The following GRID1 variants were observed in gnomAD, a reference collection of about 807,000 sequenced individuals.
GRID1 encodes the protein glutamate ionotropic receptor delta type subunit 1.
GRID1 carries 28 observed loss-of-function variants against 98.0 expected under a neutral mutation model. The observed-to-expected ratio is 0.29, with a 90% CI of 0.21 to 0.39. The LOEUF is 0.39. Among genes scored for constraint, GRID1 ranks in the 10% least tolerant of loss-of-function variants. The pLI is 1.00. For synonymous variants in GRID1, 553 were observed against 538.5 expected (o/e 1.03, Z -0.37); for missense variants, 1,111 against 1,340.5 (o/e 0.83, Z 2.67).
chr10:85,740,946 G>A (rs1043478023), intron 8 of GRID1, among the ~76,000 whole-genome samples: 13 of 151,830 alleles, frequency 8.6e-5, no homozygotes, highest in Admixed American at 1.3e-4. Flanking sequence ...TAGTGACTGC[G>A]TTTCACCATG....
chr10:85,743,113 C>CCG (rs1554828635), intron 8 of GRID1, among the ~76,000 whole-genome samples: 4 of 134,302 alleles, frequency 3.0e-5, no homozygotes, highest in Non-Finnish European at 5.0e-5. Flanking sequence ...CAGCCCCCCC[C>CCG]CCCACCACCC....
chr10:85,919,222 T>C (rs1841665550), intron 4 of GRID1, among the ~76,000 whole-genome samples: 1 of 152,180 alleles, frequency 6.6e-6, no homozygotes, highest in Non-Finnish European at 1.5e-5. Flanking sequence ...GTGGGAGCCT[T>C]GGCCACCCTA....
chr10:86,224,970 C>G (rs956569266), intron 2 of GRID1, among the ~76,000 whole-genome samples: 5 of 152,244 alleles, frequency 3.3e-5, no homozygotes, highest in African/African-American at 1.2e-4. Flanking sequence ...GTTGAGGCCA[C>G]TTCAGGGTCC....
chr10:85,938,603 C>T (rs1452963785), intron 4 of GRID1, among the ~76,000 whole-genome samples: 9 of 152,040 alleles, frequency 5.9e-5, no homozygotes, highest in Non-Finnish European at 7.4e-5. Flanking sequence ...ACGATACAAA[C>T]GAGCCAGGAT....
intron 4 of GRID1, among the ~76,000 whole-genome samples, chr10:86,095,131 G>T (rs1415178341): frequency 6.6e-6 from 1 of 152,132 alleles, no homozygotes; most frequent in Non-Finnish European, 1.5e-5. Flanking sequence ...AACAATTGGT[G>T]CTGGGATAAT....
chr10:86,258,830 A>G (rs1846965629), intron 2 of GRID1, among the ~76,000 whole-genome samples: 1 of 152,252 alleles, frequency 6.6e-6, no homozygotes, highest in Non-Finnish European at 1.5e-5. Flanking sequence ...GATGACACAT[A>G]CAAGAGAAAA....
In GRID1 at chr10:86,237,901, G is replaced by A. The variant is rs527346335; in HGVS notation, c.236-31253C>T. 1.4e-4 allele frequency among the ~76,000 whole-genome samples: 22 copies of A among 152,206 alleles called. No homozygotes were observed. The South Asian group carries it at 3.9e-3, about 27-fold the overall frequency. ...ACCCAGTCTCAGGGAGTTCTTTAAA[G>A]CAATTTGAGAACCGACGAATACAGC... On this transcript the variant is annotated intron_variant, in intron 2 of 15. Transcript: ENST00000327946.
chr10:85,804,711 A>G (rs1381324879), intron 8 of GRID1, among the ~76,000 whole-genome samples: 1 of 151,902 alleles, frequency 6.6e-6, no homozygotes, highest in Non-Finnish European at 1.5e-5. Flanking sequence ...ACTCCTCATT[A>G]ACAGAATAAG....
chr10:86,084,963 T>C (rs1178603601), intron 4 of GRID1, among the ~76,000 whole-genome samples: 2 of 152,216 alleles, frequency 1.3e-5, no homozygotes, highest in Non-Finnish European at 1.5e-5. Flanking sequence ...GTGGTGATGG[T>C]TGCACAACAC....
At chr10:86,129,046 C>T (rs1200696274) in intron 4 of GRID1, among the ~76,000 whole-genome samples, 2 of 152,216 alleles carry the variant, frequency 1.3e-5, no homozygotes, top group Admixed American at 1.3e-4. Flanking sequence ...CTCTGCCCTT[C>T]CCTGCCCTGT....
At position 85,831,306 on chromosome 10, in the gene GRID1, G is replaced by C. The variant is rs536338829; in HGVS notation, c.1233+23190C>G. Among the ~76,000 whole-genome samples the C allele has an allele frequency of 2.6e-5, 4 of 152,146 alleles. 1 individual carries two copies. Among genetic ancestry groups the C allele is most frequent in the African/African-American group, 9.6e-5 (4 of 41,540 alleles). ...ACATGAGGGTGGAGGGTGGGAGGGA[G>C]AGGATTGAAAAGCTACCTATCAGGT... is the stretch of plus-strand genomic sequence containing the variant. On this transcript the variant is annotated intron_variant, in intron 8 of 15. Coordinates refer to ENST00000327946, the MANE Select transcript of GRID1 (RefSeq NM_017551.3).
At chr10:86,363,512 C>G (rs988537130) in intron 2 of GRID1, among the ~76,000 whole-genome samples, 5 of 152,226 alleles carry the variant, frequency 3.3e-5, no homozygotes, top group African/African-American at 1.2e-4. Context: ...GCTGGGCGCT[C>G]CTCACCTCGA....
At chr10:85,864,319 A>C (rs1843194223) in intron 6 of GRID1, among the ~76,000 whole-genome samples, 1 of 152,238 alleles carries the variant, frequency 6.6e-6, no homozygotes, top group African/African-American at 2.4e-5. Flanking sequence ...AGGAGGAAGC[A>C]GATGGTAAGA....
intron 2 of GRID1, among the ~76,000 whole-genome samples, chr10:86,321,003 G>C (rs1012235966): frequency 4.6e-5 from 7 of 151,850 alleles, no homozygotes; most frequent in African/African-American, 1.7e-4. Flanking sequence ...GGGAGGCTGA[G>C]GCAGGAGAAT....
chr10:85,730,422 C>T (rs566137309), intron 8 of GRID1, among the ~76,000 whole-genome samples: 14 of 152,218 alleles, frequency 9.2e-5, no homozygotes, highest in Non-Finnish European at 1.9e-4. Context: ...ATGGGGAAGA[C>T]ATAACAAAAT....
chr10:85,834,947 A>G (rs1379875042), intron 8 of GRID1, among the ~76,000 whole-genome samples: 1 of 152,228 alleles, frequency 6.6e-6, no homozygotes, highest in Non-Finnish European at 1.5e-5. Flanking sequence ...TGTTTGCAAA[A>G]AAAAAGTTAC....
chr10:85,876,510 A>C (rs1843333446), intron 5 of GRID1, among the ~76,000 whole-genome samples: 1 of 152,204 alleles, frequency 6.6e-6, no homozygotes, highest in African/African-American at 2.4e-5. Context: ...CATATCTGCA[A>C]AATGTCCTTT....
At chr10:86,255,830 C>A (rs150673304) in intron 2 of GRID1, among the ~76,000 whole-genome samples, 1 of 152,104 alleles carries the variant, frequency 6.6e-6, no homozygotes, top group Non-Finnish European at 1.5e-5. Context: ...CCAGGGGCCT[C>A]GCCTGGGCTG....
rs532859984 is a variant in GRID1 at position 85,724,705 on chromosome 10, G to A, written c.1534-29C>T. On this transcript the variant is annotated intron_variant, in intron 10 of 15. Coordinates refer to ENST00000327946, the MANE Select transcript of GRID1 (RefSeq NM_017551.3). ...AAAGGCAAAGCCATCTCATTTAGAC[G>A]GCAGTCCTCAGCTTACTGCTGGGTT... is the stretch of plus-strand genomic sequence containing the variant. 2.5e-5 allele frequency: 40 copies of A among 1,575,172 alleles called. No individual in the cohort carries two copies. In the East Asian group the frequency reaches 4.0e-4, roughly 16 times the overall value.
Sources: gnomAD v4.1 joint callset for allele counts (sites outside exome capture counted in the v4.1 genomes callset) on GRCh38, gnomAD v4.1.1 for gene constraint, MANE v1.5 for transcripts, NCBI Gene and HGNC (gene_info 2026-07-23, HGNC 2026-07-21) for gene names.